The following CYP3A43 variants were observed in gnomAD, a reference collection of about 807,000 sequenced individuals.
CYP3A43 encodes the protein cytochrome P450 3A43.
In CYP3A43, 45 loss-of-function variants were observed where a neutral mutation model predicts 58.0. That is an observed-to-expected ratio of 0.78 (90% CI 0.61 to 0.99). The LOEUF (loss-of-function observed/expected upper bound fraction) is 0.99, where lower values mean the gene tolerates loss of function less well. CYP3A43 is among the 50% of genes least tolerant of loss of function. The pLI, the probability that CYP3A43 is intolerant of heterozygous loss-of-function variation, is 0.00. For synonymous variants in CYP3A43, 191 were observed against 201.4 expected, an observed-to-expected ratio of 0.95 and a Z score of 0.44; for missense variants, 593 against 591.9, an observed-to-expected ratio of 1.00 and a Z score of -0.02.
rs750495722 is a variant in CYP3A43, at chr7:99,861,240, TC to T, written c.1027-371del. On this transcript the variant is annotated intron_variant, in intron 10 of 12. Transcript: ENST00000354829. Reference sequence around the variant, plus strand: ...GGATTTGCTTTTTACATTTTCTTTTTCCTTGGTACAGATGCATAGCCTCTCT... The same window carrying T: ...GGATTTGCTTTTTACATTTTCTTTTTCTTGGTACAGATGCATAGCCTCTCT... Among the ~76,000 whole-genome samples the T allele has an allele frequency of 1.1e-4, 17 of 152,216 alleles. No homozygotes were observed. In the East Asian group the frequency reaches 2.1e-3, roughly 19 times the overall value.
intron 1 of CYP3A43, among the ~76,000 whole-genome samples, chr7:99,835,835 G>A (rs569000714): frequency 3.3e-5 from 5 of 152,194 alleles, no homozygotes; most frequent in African/African-American, 1.2e-4. Context: ...TACACTACAC[G>A]TGGGAATGGC....
chr7:99,854,588 T>C (rs1348516826), intron 7 of CYP3A43, among the ~76,000 whole-genome samples: 4 of 152,208 alleles, frequency 2.6e-5, no homozygotes, highest in Non-Finnish European at 5.9e-5. Flanking sequence ...TAGTTTTTAT[T>C]ATTTTCCCCC....
At chr7:99,850,261 T>C (rs1408284328) in intron 7 of CYP3A43, among the ~76,000 whole-genome samples, 2 of 150,376 alleles carry the variant, frequency 1.3e-5, no homozygotes, top group Non-Finnish European at 3.0e-5. Flanking sequence ...GGCCTTTTTT[T>C]CTTTCTTTCT....
At position 99,836,443 on chromosome 7, in the gene CYP3A43, T is replaced by C. The variant is rs1817081124; in HGVS notation, c.72-10T>C. ...ATTTCTGTAACCTGGCTTTCTCTTT[T>C]ATTTTATAGTTATGGGACCCATTCA... On this transcript the variant is annotated splice_polypyrimidine_tract_variant and intron_variant, in intron 1 of 12. Transcript: ENST00000354829. 1 of 1,607,376 alleles carries C rather than the reference T, an allele frequency of 6.2e-7. No homozygotes were observed.
intron 3 of CYP3A43, chr7:99,839,453 G>T (rs1455994514): frequency 1.6e-6 from 1 of 622,290 alleles, no homozygotes; most frequent in Admixed American, 2.1e-5. Context: ...TCGAGCTTGA[G>T]AATTAAGTCA....
At chr7:99,852,328 T>C (rs559750112) in intron 7 of CYP3A43, among the ~76,000 whole-genome samples, 1 of 152,356 alleles carries the variant, frequency 6.6e-6, no homozygotes, top group Non-Finnish European at 1.5e-5. Flanking sequence ...TGTCAATTTC[T>C]ACAAAGAATC....
At chr7:99,845,906 G>T (rs779061786) in intron 4 of CYP3A43, among the ~76,000 whole-genome samples, 7 of 151,820 alleles carry the variant, frequency 4.6e-5, no homozygotes, top group Non-Finnish European at 8.8e-5. Flanking sequence ...CTCCCAAGCA[G>T]CTGGGATTAC....
chr7:99,837,601 G>T (rs1584203044), intron 2 of CYP3A43, among the ~76,000 whole-genome samples: 1 of 152,218 alleles, frequency 6.6e-6, no homozygotes, highest in East Asian at 1.9e-4. Context: ...CAATATGGAG[G>T]CTGTCCATCA....
Position 99,859,909 on chromosome 7 carries a change from CT to C in CYP3A43, c.947del (p.Phe316SerfsTer45), listed in dbSNP as rs754951815. 5 of 1,613,982 alleles carry C rather than the reference CT, an allele frequency of 3.1e-6. No individual in the cohort carries two copies. In the Admixed American group the frequency reaches 8.3e-5, roughly 27 times the overall value. On this transcript the variant is annotated frameshift_variant, in exon 10 of 13. Coordinates refer to ENST00000354829, the MANE Select transcript of CYP3A43 (RefSeq NM_057095.3). LOFTEE classifies it high-confidence loss of function. ...AYDTTSTTLP[F>X]IMYELATHPD... ...ATGACACAACTAGCACCACTCTCCC[CT>C]TCATTATGTATGAACTGGCCACTCA...
intron 9 of CYP3A43, among the ~76,000 whole-genome samples, chr7:99,859,488 C>A (rs1292603458): frequency 2.0e-5 from 3 of 152,142 alleles, no homozygotes; most frequent in African/African-American, 4.8e-5. Context: ...AGATAAAGAA[C>A]TTCTATGATT....
intron 9 of CYP3A43, among the ~76,000 whole-genome samples, chr7:99,857,110 A>T (rs1818011780): frequency 6.6e-6 from 1 of 152,214 alleles, no homozygotes; most frequent in South Asian, 2.1e-4. Context: ...AACCCTGAAC[A>T]AGTGTGGCAC....
intron 3 of CYP3A43, among the ~76,000 whole-genome samples, chr7:99,843,480 T>C (rs995405486): frequency 2.6e-5 from 4 of 152,114 alleles, no homozygotes; most frequent in Admixed American, 6.6e-5. Context: ...TTTTTTTTTA[T>C]TTTGAGATGG....
chr7:99,860,060 G>A, intron 10 of CYP3A43, 70 bp downstream of exon 10: 1 of 1,516,860 alleles, frequency 6.6e-7, no homozygotes, highest in Admixed American at 2.3e-5. Flanking sequence ...CTCACCACTT[G>A]CCAGGACAAT....
At chr7:99,833,946 C>G (rs1816956611) in intron 1 of CYP3A43, among the ~76,000 whole-genome samples, 1 of 152,160 alleles carries the variant, frequency 6.6e-6, no homozygotes, top group Admixed American at 6.5e-5. Context: ...CAACCATCCT[C>G]CAAATAAGGA....
chr7:99,849,179 A>G (rs679320), intron 6 of CYP3A43, among the ~76,000 whole-genome samples: 29,622 of 152,202 alleles, frequency 0.19, 5,824 homozygotes, highest in African/African-American at 0.51. Flanking sequence ...TGGCCGAGAA[A>G]GAGTTAATTA....
rs748833914 is a variant in CYP3A43 at position 99,863,563 on chromosome 7, T to C, written c.1280T>C (p.Ile427Thr). The change falls in exon 12 of 13, where the codon ATA becomes ACA. Residue 427 changes from isoleucine to threonine, a missense_variant. Ile to Thr is a moderately conservative substitution (Grantham distance 89, BLOSUM62 -1). Coordinates refer to ENST00000354829, the MANE Select transcript of CYP3A43 (RefSeq NM_057095.3). Reference protein sequence around the residue: ...ERFSKKNKDSIDLYRYIPFGA... With the variant: ...ERFSKKNKDSTDLYRYIPFGA... Reference sequence around the variant, plus strand: ...TTCAGTAAGAAGAACAAGGACAGCATAGATCTTTACAGATACATACCTTTT... The same window carrying C: ...TTCAGTAAGAAGAACAAGGACAGCACAGATCTTTACAGATACATACCTTTT... 22 of 1,612,114 alleles carry C rather than the reference T, an allele frequency of 1.4e-5. 1 individual carries two copies. In the Middle Eastern group the frequency reaches 1.8e-3, roughly 133 times the overall value.
At chr7:99,856,991 G>A (rs1359218769) in intron 9 of CYP3A43, 92 bp downstream of exon 9, 3 of 1,435,456 alleles carry the variant, frequency 2.1e-6, no homozygotes, top group Admixed American at 2.2e-5. Flanking sequence ...CCAGGAAAAT[G>A]AGAATTTCTT....
At chr7:99,850,197 C>T (rs1000440550) in intron 7 of CYP3A43, 20 of 268,844 alleles carry the variant, frequency 7.4e-5, no homozygotes, top group Admixed American at 4.9e-4. Flanking sequence ...CCTCATGATC[C>T]GCCCTCCTCA....
chr7:99,836,376 C>G lies in CYP3A43; in HGVS notation c.72-77C>G, dbSNP rs1817077663. 6 of 1,132,446 alleles carry G rather than the reference C, an allele frequency of 5.3e-6. No individual in the cohort carries two copies. In the East Asian group the frequency reaches 1.4e-4, roughly 27 times the overall value. The allele number at this position is 1,132,446 out of a possible 1,614,324, so 70.1% of individuals were successfully genotyped here. ...CCTCCCTCCCTTGAACATTCCAGTTCCTGAGGTAATGTCTGGCCAACCCCT... is the reference window on the plus strand; with the variant it reads ...CCTCCCTCCCTTGAACATTCCAGTTGCTGAGGTAATGTCTGGCCAACCCCT... On this transcript the variant is annotated intron_variant, in intron 1 of 12. Coordinates refer to ENST00000354829, the MANE Select transcript of CYP3A43 (RefSeq NM_057095.3).
Sources: allele counts gnomAD v4.1 joint callset (sites outside exome capture counted in the v4.1 genomes callset), GRCh38; gene constraint gnomAD v4.1.1; transcripts MANE v1.5; gene names NCBI Gene and HGNC (gene_info 2026-07-23, HGNC 2026-07-21).